Variants in NLRP1 observed in about 807,000 individuals in gnomAD.
The protein encoded by NLRP1 is NACHT, LRR and PYD domains-containing protein 1.
In NLRP1, 94 loss-of-function variants were observed where a neutral mutation model predicts 136.7. The observed-to-expected ratio is 0.69, with a 90% CI of 0.58 to 0.82. The LOEUF is 0.82. NLRP1 is among the 40% of genes least tolerant of loss of function. The pLI, the probability that NLRP1 is intolerant of heterozygous loss-of-function variation, is 0.00. For synonymous variants in NLRP1, 690 were observed against 725.1 expected (o/e 0.95, Z 0.78); for missense variants, 1,575 against 1,802.7 (o/e 0.87, Z 2.29).
chr17:5,540,973 G>A (rs1432522158), intron 6 of NLRP1, among the ~76,000 whole-genome samples: 3 of 152,166 alleles, frequency 2.0e-5, no homozygotes, highest in African/African-American at 4.8e-5. Context: ...TGCACAGAGG[G>A]GTGTGTATAA....
Position 5,559,879 on chromosome 17 carries a change from C to A in NLRP1, c.817G>T (p.Asp273Tyr). The A allele has an allele frequency of 6.2e-7, 1 of 1,614,180 alleles. No individual in the cohort carries two copies. The highest frequency in any genetic ancestry group is 8.5e-7 in the Non-Finnish European group (1 of 1,180,034). ...LCSTWPWKNEDFNQKFTQLLL... is the reference protein window; with the variant it reads ...LCSTWPWKNEYFNQKFTQLLL... ...AGCTGTGTGAATTTTTGGTTAAAAT[C>A]CTCATTTTTCCAGGGCCATGTGGAA... is the stretch of plus-strand genomic sequence containing the variant. Residue 273 changes from aspartate to tyrosine, a missense_variant, in exon 4 of 17, where the codon GAT (aspartate) becomes TAT (tyrosine). Transcript: ENST00000572272.
intron 11 of NLRP1, 22 bp from the exon 12 acceptor site, chr17:5,530,726 A>G (rs1247109094): frequency 6.3e-7 from 1 of 1,590,942 alleles, no homozygotes; most frequent in East Asian, 2.2e-5. Context: ...AGGGAGAGGC[A>G]GACACTTACT....
chr17:5,542,142 C>T (rs911256279), intron 5 of NLRP1, 115 bp from the exon 6 acceptor site: 6 of 948,578 alleles, frequency 6.3e-6, no homozygotes, highest in Non-Finnish European at 9.4e-6. Flanking sequence ...AGGCAGAGGT[C>T]TAGAAAACCC....
chr17:5,575,694 C>G (rs888471811), intron 3 of NLRP1, among the ~76,000 whole-genome samples: 10 of 152,178 alleles, frequency 6.6e-5, no homozygotes, highest in African/African-American at 2.4e-4. Context: ...TAACACCCCC[C>G]TGTCAACATT....
chr17:5,569,964 G>C (rs554083745), intron 3 of NLRP1, among the ~76,000 whole-genome samples: 2 of 152,076 alleles, frequency 1.3e-5, no homozygotes, highest in African/African-American at 4.8e-5. Flanking sequence ...TAAGAAGATA[G>C]CTCAGAACCA....
intron 3 of NLRP1, among the ~76,000 whole-genome samples, chr17:5,581,269 G>A (rs540816703): frequency 7.9e-5 from 12 of 152,332 alleles, no homozygotes; most frequent in African/African-American, 2.9e-4. Flanking sequence ...CTGTGTAAGA[G>A]TTAAAAGTGT....
In NLRP1 at chr17:5,559,096, T is replaced by A; in HGVS notation, c.1600A>T (p.Met534Leu). 2 of 1,614,158 alleles carry A rather than the reference T, an allele frequency of 1.2e-6. No individual in the cohort carries two copies. The highest frequency in any genetic ancestry group is 1.7e-6 in the Non-Finnish European group (2 of 1,180,030). Reference protein sequence around the residue: ...WLACTCLMQQMKRKEKLTLTS... With the variant: ...WLACTCLMQQLKRKEKLTLTS... ...AGTGTGAGTTTTTCCTTCCGCTTCATCTGCTGCATCAGGCAAGTGCAGGCC... is the reference window on the plus strand; with the variant it reads ...AGTGTGAGTTTTTCCTTCCGCTTCAACTGCTGCATCAGGCAAGTGCAGGCC... The change falls in exon 4 of 17, where the codon ATG becomes TTG. Residue 534 changes from methionine to leucine, a missense_variant. Physicochemically the swap from Met to Leu is conservative, Grantham distance 15. Coordinates refer to ENST00000572272, the MANE Select transcript of NLRP1 (RefSeq NM_033004.4).
At chr17:5,520,146 G>A (rs117901058) in intron 14 of NLRP1, among the ~76,000 whole-genome samples, 207 of 152,150 alleles carry the variant, frequency 1.4e-3, no homozygotes, top group Middle Eastern at 3.4e-3. Flanking sequence ...GTGAGCCACC[G>A]CGCCTGGCTG....
At chr17:5,540,553 C>T (rs1911738955) in intron 6 of NLRP1, among the ~76,000 whole-genome samples, 2 of 152,154 alleles carry the variant, frequency 1.3e-5, no homozygotes, top group Non-Finnish European at 2.9e-5. Context: ...AATGGAAAAC[C>T]AGGCTTTGAG....
chr17:5,565,278 ATCT>A (rs1315489828), intron 3 of NLRP1, among the ~76,000 whole-genome samples: 1 of 152,170 alleles, frequency 6.6e-6, no homozygotes, highest in African/African-American at 2.4e-5. Context: ...CCATTTGTAT[ATCT>A]TCTTCTGAGA....
At chr17:5,560,124 C>T in intron 3 of NLRP1, 81 bp from the exon 4 acceptor site, 2 of 1,305,174 alleles carry the variant, frequency 1.5e-6, no homozygotes, top group Non-Finnish European at 2.0e-6. Context: ...GTTTTAGGCA[C>T]CTACTCCAAG....
In NLRP1 at chr17:5,582,651, C is replaced by T. The variant is rs757550040; in HGVS notation, c.448+19G>A. On this transcript the variant is annotated intron_variant, in intron 2 of 16. Coordinates refer to ENST00000572272, the MANE Select transcript of NLRP1 (RefSeq NM_033004.4). ...CACAGCTCCACCCAGGGCTGTCAGC[C>T]TGCCTCAGCAAGCCTCACCTCTCCA... The T allele has an allele frequency of 6.2e-7, 1 of 1,612,938 alleles. No homozygotes were observed. Among genetic ancestry groups the T allele is most frequent in the Admixed American group, 1.7e-5 (1 of 59,934 alleles).
chr17:5,554,221 C>T (rs1913753550), intron 4 of NLRP1, among the ~76,000 whole-genome samples: 1 of 152,034 alleles, frequency 6.6e-6, no homozygotes, highest in Non-Finnish European at 1.5e-5. Flanking sequence ...TGGGGAGTGC[C>T]CTAGGAGAGA....
chr17:5,562,691 A>G (rs764199698), intron 3 of NLRP1, among the ~76,000 whole-genome samples: 1 of 152,192 alleles, frequency 6.6e-6, no homozygotes, highest in African/African-American at 2.4e-5. Context: ...TACAACACCA[A>G]AATGTTTTGC....
chr17:5,512,827 A>T (rs1205984866), downstream of NLRP1, among the ~76,000 whole-genome samples: 1 of 152,252 alleles, frequency 6.6e-6, no homozygotes, highest in Non-Finnish European at 1.5e-5. Context: ...AGCAGTGAGG[A>T]CAACCAGGAG....
intron 12 of NLRP1, among the ~76,000 whole-genome samples, chr17:5,524,574 A>T (rs1210598138): frequency 6.6e-6 from 1 of 152,248 alleles, no homozygotes; most frequent in Admixed American, 6.5e-5. Flanking sequence ...CTTCTCCAAG[A>T]GGCGATGCTG....
chr17:5,510,900 C>T (rs1208867397), downstream of NLRP1, among the ~76,000 whole-genome samples: 1 of 152,130 alleles, frequency 6.6e-6, no homozygotes, highest in Non-Finnish European at 1.5e-5. Flanking sequence ...CTACAACAGC[C>T]TCAGGCTCAA....
intron 12 of NLRP1, among the ~76,000 whole-genome samples, chr17:5,529,296 A>T: frequency 1.4e-5 from 2 of 142,918 alleles, no homozygotes; most frequent in African/African-American, 5.3e-5. Context: ...CTTCTATCTT[A>T]TCTTTCTGGA....
At chr17:5,548,018 T>C (rs1912894380) in intron 5 of NLRP1, among the ~76,000 whole-genome samples, 1 of 152,188 alleles carries the variant, frequency 6.6e-6, no homozygotes, top group Non-Finnish European at 1.5e-5. Flanking sequence ...TGGCTAACCC[T>C]GAATTCTGCT....
Sources: allele counts gnomAD v4.1 joint callset (sites outside exome capture counted in the v4.1 genomes callset), GRCh38; gene constraint gnomAD v4.1.1; transcripts MANE v1.5; gene names NCBI Gene and HGNC (gene_info 2026-07-23, HGNC 2026-07-21).